KCNMA1: variants seen among roughly 807,000 people sequenced by gnomAD.
The protein encoded by KCNMA1 is potassium calcium-activated channel subfamily M alpha 1.
In KCNMA1, 29 loss-of-function variants were observed where a neutral mutation model predicts 140.0. That is an observed-to-expected ratio of 0.21 (90% CI 0.15 to 0.28). The LOEUF (loss-of-function observed/expected upper bound fraction) is 0.28, where lower values mean the gene tolerates loss of function less well. Ranked by LOEUF, KCNMA1 falls within the 10% of genes least tolerant of loss-of-function variation. KCNMA1 has a pLI of 1.00. For missense variants in KCNMA1, 880 were observed against 1,602.2 expected (o/e 0.55, Z 7.70); for synonymous variants, 612 against 611.9 (o/e 1.00, Z 0.00).
Position 77,590,321 on chromosome 10 carries a change from G to A in KCNMA1, c.378+46944C>T, listed in dbSNP as rs996546499. Reference sequence around the variant, plus strand: ...TGGGTGGTCGATGGGACTGGGCGCCGTGGAGCAGGGGGCGGCGCTCCTCGG... The same window carrying A: ...TGGGTGGTCGATGGGACTGGGCGCCATGGAGCAGGGGGCGGCGCTCCTCGG... On this transcript the variant is annotated intron_variant, in intron 1 of 27. Coordinates refer to ENST00000286628, the MANE Select transcript of KCNMA1 (RefSeq NM_001161352.2). Among the ~76,000 whole-genome samples the A allele has an allele frequency of 5.9e-5, 9 of 152,234 alleles. No homozygotes were observed. The South Asian group carries it at 8.3e-4, about 14-fold the overall frequency.
intron 1 of KCNMA1, among the ~76,000 whole-genome samples, chr10:77,416,562 C>T (rs2096745931): frequency 6.6e-6 from 1 of 152,180 alleles, no homozygotes; most frequent in South Asian, 2.1e-4. Context: ...TCAGAGTCAA[C>T]AGAGGACTCC....
intron 1 of KCNMA1, among the ~76,000 whole-genome samples, chr10:77,589,162 C>T (rs1416522114): frequency 6.6e-6 from 1 of 152,142 alleles, no homozygotes; most frequent in Non-Finnish European, 1.5e-5. Flanking sequence ...TAAAACAAAC[C>T]CCTTCATGGC....
chr10:77,380,353 C>A (rs1252610160), intron 2 of KCNMA1, among the ~76,000 whole-genome samples: 3 of 152,132 alleles, frequency 2.0e-5, no homozygotes, highest in Non-Finnish European at 1.5e-5. Context: ...GAAGCCCAGC[C>A]TGGTCTCTAA....
chr10:77,353,048 C>G (rs2093081825), intron 2 of KCNMA1, among the ~76,000 whole-genome samples: 2 of 152,152 alleles, frequency 1.3e-5, no homozygotes, highest in African/African-American at 4.8e-5. Flanking sequence ...TGATCCAGCC[C>G]CTTGTATTTT....
At chr10:77,632,201 A>AGCTTT (rs1567986758) in intron 1 of KCNMA1, among the ~76,000 whole-genome samples, 4 of 151,934 alleles carry the variant, frequency 2.6e-5, no homozygotes, top group Admixed American at 6.6e-5. Flanking sequence ...ATGCCTGCTG[A>AGCTTT]TTTTTTTTCA....
intron 3 of KCNMA1, among the ~76,000 whole-genome samples, chr10:77,194,079 C>T (rs989219335): frequency 7.9e-5 from 12 of 152,282 alleles, no homozygotes; most frequent in African/African-American, 2.9e-4. Flanking sequence ...CTGGAGCTCA[C>T]ATTTCTGAAA....
intron 1 of KCNMA1, among the ~76,000 whole-genome samples, chr10:77,624,847 T>C (rs916784245): frequency 6.6e-6 from 1 of 152,024 alleles, no homozygotes; most frequent in African/African-American, 2.4e-5. Flanking sequence ...TTCTCTTCAT[T>C]TGTCTGCTCT....
intron 2 of KCNMA1, among the ~76,000 whole-genome samples, chr10:77,397,042 C>T (rs1013035270): frequency 1.3e-5 from 2 of 152,120 alleles, no homozygotes; most frequent in Non-Finnish European, 2.9e-5. Flanking sequence ...CACCACAGGA[C>T]ATAGTTTCCC....
At chr10:77,075,200 C>G (rs774336926) in intron 13 of KCNMA1, among the ~76,000 whole-genome samples, 1 of 152,188 alleles carries the variant, frequency 6.6e-6, no homozygotes, top group Non-Finnish European at 1.5e-5. Context: ...CTTCCCCACA[C>G]TGCAGACTCA....
intron 5 of KCNMA1, among the ~76,000 whole-genome samples, chr10:77,136,333 T>C (rs1257167642): frequency 6.6e-6 from 1 of 152,210 alleles, no homozygotes; most frequent in Non-Finnish European, 1.5e-5. Flanking sequence ...AGGAAAATTT[T>C]TGACATAATG....
intron 1 of KCNMA1, among the ~76,000 whole-genome samples, chr10:77,571,542 C>G (rs115435681): frequency 0.015 from 2,233 of 152,266 alleles, 62 homozygotes; most frequent in African/African-American, 0.051. Flanking sequence ...AAGCCAAAGC[C>G]AAAACAGATA....
chr10:76,955,732 T>C lies in KCNMA1; in HGVS notation c.2361-1808A>G, dbSNP rs185081637. Reference sequence around the variant, plus strand: ...CAGGGTGAGAGCACATTTTGAGGGATGTTTTTGTCCTTGAAGAGTCTTTAA... The same window carrying C: ...CAGGGTGAGAGCACATTTTGAGGGACGTTTTTGTCCTTGAAGAGTCTTTAA... On this transcript the variant is annotated intron_variant, in intron 20 of 27. Transcript: ENST00000286628. Among the ~76,000 whole-genome samples, 1,320 of 152,320 alleles carry C rather than the reference T, an allele frequency of 8.7e-3. 10 individuals carry two copies. Among genetic ancestry groups the C allele is most frequent in the Non-Finnish European group, 0.013 (870 of 68,020 alleles).
intron 1 of KCNMA1, among the ~76,000 whole-genome samples, chr10:77,585,512 G>A (rs1007149166): frequency 5.3e-5 from 8 of 152,132 alleles, no homozygotes. Flanking sequence ...CACTAGATTG[G>A]TGCCCTGTGC....
chr10:77,528,608 C>CAA (rs376809211), intron 1 of KCNMA1, among the ~76,000 whole-genome samples: 15 of 92,014 alleles, frequency 1.6e-4, no homozygotes, highest in Middle Eastern at 0.013. Context: ...GAGCCCATCT[C>CAA]AAAAAAAAAA....
intron 3 of KCNMA1, among the ~76,000 whole-genome samples, chr10:77,215,826 C>T (rs1298024180): frequency 6.6e-6 from 1 of 151,872 alleles, no homozygotes; most frequent in Non-Finnish European, 1.5e-5. Flanking sequence ...GGATTAATGT[C>T]CTTGTAAGAA....
intron 2 of KCNMA1, among the ~76,000 whole-genome samples, chr10:77,254,471 G>A (rs1325313111): frequency 6.6e-6 from 1 of 151,940 alleles, no homozygotes; most frequent in Non-Finnish European, 1.5e-5. Flanking sequence ...GAACCACCTG[G>A]CTCAGCCTCC....
Position 76,887,402 on chromosome 10 carries a change from G to A in KCNMA1, c.3575C>T (p.Ser1192Phe). 1.9e-6 allele frequency: 3 copies of A among 1,614,170 alleles called. No individual in the cohort carries two copies. Among genetic ancestry groups the A allele is most frequent in the East Asian group, 2.2e-5 (1 of 44,860 alleles). Residue 1192 changes from serine to phenylalanine, a missense_variant, in exon 28 of 28, where the codon TCC becomes TTC. Ser to Phe is a radical substitution (Grantham distance 155, BLOSUM62 -2). This residue lies in a region of KCNMA1 where 115 missense variants were observed against 139.9 expected (regional missense o/e 0.82). Transcript: ENST00000286628. ...GCTGGAGGACTGCGACGAGTGGGAG[G>A]AATGGGACAGGCTGGCCCGGGACTG... ...AGQSRASLSH[S>F]SHSSQSSSKK...
chr10:77,079,055 G>A (rs984304205), intron 13 of KCNMA1, among the ~76,000 whole-genome samples: 2 of 152,172 alleles, frequency 1.3e-5, no homozygotes, highest in Non-Finnish European at 2.9e-5. Flanking sequence ...CAGATCACCT[G>A]AGGTTGGGAG....
intron 1 of KCNMA1, among the ~76,000 whole-genome samples, chr10:77,449,567 T>G (rs990112486): frequency 2.0e-5 from 3 of 152,156 alleles, no homozygotes; most frequent in Non-Finnish European, 4.4e-5. Context: ...TTTTATATTT[T>G]TATAAGTTAT....
Sources: gnomAD v4.1 joint callset for allele counts (sites outside exome capture counted in the v4.1 genomes callset) on GRCh38, gnomAD v4.1.1 for gene constraint, gnomAD v4.1.1 regional missense constraint, MANE v1.5 for transcripts, NCBI Gene and HGNC (gene_info 2026-07-23, HGNC 2026-07-21) for gene names.